SAG: variants seen among roughly 807,000 people sequenced by gnomAD.
SAG encodes S-antigen visual arrestin, also known as S-arrestin.
SAG carries 45 observed loss-of-function variants against 55.0 expected under a neutral mutation model. The observed-to-expected ratio is 0.82, with a 90% CI of 0.64 to 1.05. SAG has a LOEUF of 1.05. Among genes scored for constraint, SAG ranks in the 50% least tolerant of loss-of-function variants. The pLI, the probability that SAG is intolerant of heterozygous loss-of-function variation, is 0.00. For synonymous variants in SAG, 189 were observed against 197.4 expected, an observed-to-expected ratio of 0.96 and a Z score of 0.36; for missense variants, 455 against 512.1, an observed-to-expected ratio of 0.89 and a Z score of 1.08.
chr2:233,338,918 T>C (rs1174808238), intron 12 of SAG, 165 bp downstream of exon 12: 7 of 710,560 alleles, frequency 9.9e-6, no homozygotes, highest in Non-Finnish European at 1.5e-5. Context: ...TCTAGTACCA[T>C]GCTTCTGTCT....
chr2:233,313,112 G>A (rs1700121559), intron 2 of SAG, among the ~76,000 whole-genome samples: 1 of 152,210 alleles, frequency 6.6e-6, no homozygotes, highest in Non-Finnish European at 1.5e-5. Flanking sequence ...AACACAGTGT[G>A]CTGCACACTG....
intron 14 of SAG, chr2:233,342,757 A>T (rs1417159961): frequency 5.9e-6 from 1 of 168,920 alleles, no homozygotes; most frequent in Non-Finnish European, 1.3e-5. Context: ...ATTTAAAAGA[A>T]GATAATTTTT....
chr2:233,324,157 G>A (rs1290242848), intron 6 of SAG, among the ~76,000 whole-genome samples: 1 of 152,176 alleles, frequency 6.6e-6, no homozygotes, highest in African/African-American at 2.4e-5. Context: ...AGCACTTTGG[G>A]AGGCTGAGGT....
At chr2:233,338,284 G>A (rs1302101207) in intron 11 of SAG, among the ~76,000 whole-genome samples, 1 of 152,238 alleles carries the variant, frequency 6.6e-6, no homozygotes, top group Non-Finnish European at 1.5e-5. Context: ...GGCCTGGCAC[G>A]TGGGAGATGA....
At chr2:233,323,325 C>G (rs779139388) in intron 6 of SAG, among the ~76,000 whole-genome samples, 1 of 151,948 alleles carries the variant, frequency 6.6e-6, no homozygotes, top group East Asian at 1.9e-4. Flanking sequence ...TCCCAAAGTG[C>G]TGGGATTACA....
chr2:233,336,943 A>C (rs963657887), intron 11 of SAG, among the ~76,000 whole-genome samples: 3 of 152,152 alleles, frequency 2.0e-5, no homozygotes, highest in African/African-American at 7.2e-5. Flanking sequence ...AAAAAATTAA[A>C]ACATTAGCTG....
rs1216939495 is a variant in SAG at position 233,319,333 on chromosome 2, C to T, written c.181+538C>T. Among the ~76,000 whole-genome samples, 1 of 152,062 alleles carries T rather than the reference C, an allele frequency of 6.6e-6. No individual in the cohort carries two copies. Among genetic ancestry groups the T allele is most frequent in the Non-Finnish European group, 1.5e-5 (1 of 68,030 alleles). Reference sequence around the variant, plus strand: ...GACCCAGAATTTATTATGGTGCTTACTTCGATGGTTCTGAACCAGTGTCAC... The same window carrying T: ...GACCCAGAATTTATTATGGTGCTTATTTCGATGGTTCTGAACCAGTGTCAC... On this transcript the variant is annotated intron_variant, in intron 4 of 15. Coordinates refer to ENST00000409110, the MANE Select transcript of SAG (RefSeq NM_000541.5). This position sits in a 1 kb window ranked among gnomAD's most constrained non-coding sequence, Gnocchi z 4.4.
In SAG at chr2:233,317,142, G is replaced by T. The variant is rs560596622; in HGVS notation, c.136+1007G>T. 3.3e-5 allele frequency among the ~76,000 whole-genome samples: 5 copies of T among 152,272 alleles called. No individual in the cohort carries two copies. In the South Asian group the frequency reaches 1.0e-3, roughly 32 times the overall value. Reference sequence around the variant, plus strand: ...CTCCCAAAGTGCTGAGATTACAGGCGTGAGCCACTGCACCCAGCAGCAGCT... The same window carrying T: ...CTCCCAAAGTGCTGAGATTACAGGCTTGAGCCACTGCACCCAGCAGCAGCT... On this transcript the variant is annotated intron_variant, in intron 3 of 15. Transcript: ENST00000409110.
rs376790915 is a variant in SAG at position 233,318,751 on chromosome 2, A to G, written c.137A>G (p.Asp46Gly). ...CTGCTCTCTCCCTCTTTTGCCTTAG[A>G]TGGTGTCGTGTTGGTTGATCCTGAT... ...IDHVSQVQPV[D>G]GVVLVDPDLV... The change falls in exon 4 of 16, where the codon GAT becomes GGT. Residue 46 changes from aspartate to glycine, a missense_variant and splice_region_variant. By Grantham distance (94) the Asp-to-Gly change is moderately conservative (BLOSUM62 -1). Transcript: ENST00000409110. The G allele has an allele frequency of 1.9e-6, 3 of 1,613,534 alleles. No individual in the cohort carries two copies. Among genetic ancestry groups the G allele is most frequent in the Non-Finnish European group, 2.5e-6 (3 of 1,179,544 alleles).
At chr2:233,342,228 G>T in intron 13 of SAG, 43 bp from the exon 14 acceptor site, 1 of 1,464,054 alleles carries the variant, frequency 6.8e-7, no homozygotes, top group Non-Finnish European at 9.4e-7. Flanking sequence ...ACTTACAATT[G>T]TGTGTATGGG....
At position 233,320,762 on chromosome 2, in the gene SAG, C is replaced by T. The variant is rs769878062; in HGVS notation, c.314C>T (p.Thr105Ile). ...YPPVGAASTPTKLQESLLKKL... is the reference protein window; with the variant it reads ...YPPVGAASTPIKLQESLLKKL... ...CCTGTGGGGGCCGCGAGCACCCCCA[C>T]AAAACTGCAAGAGAGCCTGCTTAAA... The change falls in exon 5 of 16, where the codon ACA becomes ATA. Residue 105 changes from threonine to isoleucine, a missense_variant. Thr to Ile is a moderately conservative substitution (Grantham distance 89). Transcript: ENST00000409110. The T allele has an allele frequency of 5.6e-6, 9 of 1,606,608 alleles. No homozygotes were observed. The highest frequency in any genetic ancestry group is 7.6e-6 in the Non-Finnish European group (9 of 1,176,682).
At chr2:233,318,923 A>T in intron 4 of SAG, 128 bp downstream of exon 4, 1 of 832,084 alleles carries the variant, frequency 1.2e-6, no homozygotes, top group Non-Finnish European at 2.1e-6. Flanking sequence ...TGCACATGGA[A>T]CCAGTGCCAG....
intron 2 of SAG, among the ~76,000 whole-genome samples, chr2:233,314,235 A>AC (rs1259594012): frequency 6.6e-6 from 1 of 151,688 alleles, no homozygotes; most frequent in East Asian, 1.9e-4. Context: ...AAAAAAAAAA[A>AC]ATTACAAGAA....
At chr2:233,308,509 G>A (rs759710073) in intron 1 of SAG, among the ~76,000 whole-genome samples, 4 of 151,448 alleles carry the variant, frequency 2.6e-5, no homozygotes, top group Non-Finnish European at 5.9e-5. Context: ...ATTCTAGACC[G>A]CTAAGATGGC....
At chr2:233,331,998 CT>C in intron 10 of SAG, 1 of 413,582 alleles carries the variant, frequency 2.4e-6, no homozygotes. Context: ...GATCAGCTGG[CT>C]TTTTCTATTT....
intron 12 of SAG, 197 bp downstream of exon 12, chr2:233,338,950 G>A: frequency 1.5e-6 from 1 of 683,188 alleles, no homozygotes. Flanking sequence ...AGGTGGGAAA[G>A]GGTGGAGAAG....
At chr2:233,310,138 C>T (rs759334751) in intron 2 of SAG, among the ~76,000 whole-genome samples, 2 of 152,210 alleles carry the variant, frequency 1.3e-5, no homozygotes, top group South Asian at 2.1e-4. Flanking sequence ...TGAACTTCCT[C>T]GCATGGGAGA....
intron 5 of SAG, among the ~76,000 whole-genome samples, chr2:233,322,112 G>A (rs1343512495): frequency 2.0e-5 from 3 of 148,412 alleles, no homozygotes; most frequent in African/African-American, 5.0e-5. Context: ...GTGTGAACCC[G>A]GAAGGCAGAG....
chr2:233,317,344 G>A (rs910992806), intron 3 of SAG, among the ~76,000 whole-genome samples: 1 of 152,204 alleles, frequency 6.6e-6, no homozygotes, highest in African/African-American at 2.4e-5. Context: ...AATGTCCCAC[G>A]TCAGCTTCCT....
Sources: gnomAD v4.1 joint callset for allele counts (sites outside exome capture counted in the v4.1 genomes callset) on GRCh38, gnomAD v4.1.1 for gene constraint, Gnocchi (gnomAD v3.1) non-coding constraint, MANE v1.5 for transcripts, NCBI Gene and HGNC (gene_info 2026-07-23, HGNC 2026-07-21) for gene names.